The following ADAMTS18 variants were observed in gnomAD, a reference collection of about 807,000 sequenced individuals.
ADAMTS18 encodes the protein ADAM metallopeptidase with thrombospondin type 1 motif 18, also known as A disintegrin and metalloproteinase with thrombospondin motifs 18.
A neutral mutation model predicts 165.9 loss-of-function variants in ADAMTS18; 157 were observed. The observed-to-expected ratio is 0.95, with a 90% CI of 0.83 to 1.08. The LOEUF (loss-of-function observed/expected upper bound fraction) is 1.08. Among genes scored for constraint, ADAMTS18 ranks in the 50% least tolerant of loss-of-function variants. ADAMTS18 has a pLI of 0.00. For missense variants in ADAMTS18, 2,040 were observed against 1,534.0 expected (o/e 1.33, Z -5.51); for synonymous variants, 782 against 578.2 (o/e 1.35, Z -5.06).
chr16:77,301,806 A>G (rs1279934951), intron 16 of ADAMTS18, among the ~76,000 whole-genome samples: 1 of 152,240 alleles, frequency 6.6e-6, no homozygotes, highest in African/African-American at 2.4e-5. Context: ...GAGCAACAAA[A>G]CAAATCTCGA....
At chr16:77,348,893 G>C (rs897542375) in intron 10 of ADAMTS18, among the ~76,000 whole-genome samples, 2 of 152,142 alleles carry the variant, frequency 1.3e-5, no homozygotes, top group Admixed American at 6.5e-5. Flanking sequence ...AAATGATTAA[G>C]TGTCACTGGG....
chr16:77,427,316 T>C (rs1007526683), intron 3 of ADAMTS18, among the ~76,000 whole-genome samples: 25 of 152,280 alleles, frequency 1.6e-4, no homozygotes, highest in African/African-American at 5.3e-4. Flanking sequence ...TCTTAGTACA[T>C]AGGAAGAAAC....
At chr16:77,300,089 C>A in intron 17 of ADAMTS18, 174 bp downstream of exon 17, 1 of 709,740 alleles carries the variant, frequency 1.4e-6, no homozygotes, top group South Asian at 1.8e-5. Flanking sequence ...TGATTCCTTA[C>A]CACATAGGAA....
intron 3 of ADAMTS18, 141 bp from the exon 4 acceptor site, chr16:77,367,864 C>T (rs2056821822): frequency 2.1e-6 from 2 of 943,884 alleles, no homozygotes; most frequent in African/African-American, 1.6e-5. Flanking sequence ...TCATTTTTAT[C>T]TGCACCATTA....
chr16:77,342,568 A>G (rs957222124), intron 10 of ADAMTS18, among the ~76,000 whole-genome samples: 1 of 152,168 alleles, frequency 6.6e-6, no homozygotes, highest in African/African-American at 2.4e-5. Flanking sequence ...TGGGATTACA[A>G]GCATGAGCCA....
At chr16:77,409,724 AG>A (rs2057436966) in intron 3 of ADAMTS18, among the ~76,000 whole-genome samples, 1 of 152,172 alleles carries the variant, frequency 6.6e-6, no homozygotes, top group Non-Finnish European at 1.5e-5. Flanking sequence ...GCTAAAAGCT[AG>A]GCTATCAAAG....
Position 77,429,269 on chromosome 16 carries a change from G to C in ADAMTS18, c.495+2026C>G, listed in dbSNP as rs114617123. On this transcript the variant is annotated intron_variant, in intron 3 of 22. Transcript: ENST00000282849. ...ACTATGCAACCATAAAAATAAACGA[G>C]ATCAGGTCTTTTGCAGGAACGTGGA... 6.9e-3 allele frequency among the ~76,000 whole-genome samples: 1,049 copies of C among 152,274 alleles called. 12 individuals are homozygous for C. The highest frequency in any genetic ancestry group is 0.024 in the African/African-American group (1,011 of 41,568).
chr16:77,372,214 C>CT (rs2056886533), intron 3 of ADAMTS18, among the ~76,000 whole-genome samples: 1 of 152,158 alleles, frequency 6.6e-6, no homozygotes, highest in South Asian at 2.1e-4. Flanking sequence ...ATGAAGGATC[C>CT]TTTAAAAATT....
At chr16:77,405,846 G>C (rs902478084) in intron 3 of ADAMTS18, among the ~76,000 whole-genome samples, 1 of 152,066 alleles carries the variant, frequency 6.6e-6, no homozygotes, top group Non-Finnish European at 1.5e-5. Context: ...TATCAGATTA[G>C]AGCCCCTTCT....
At chr16:77,417,583 C>G (rs1365774774) in intron 3 of ADAMTS18, among the ~76,000 whole-genome samples, 4 of 152,126 alleles carry the variant, frequency 2.6e-5, no homozygotes, top group Non-Finnish European at 5.9e-5. Context: ...AATTAGGTTC[C>G]ACATCTAACA....
chr16:77,298,173 C>T (rs181129683), intron 17 of ADAMTS18, among the ~76,000 whole-genome samples: 10 of 152,024 alleles, frequency 6.6e-5, no homozygotes, highest in Non-Finnish European at 1.2e-4. Flanking sequence ...GGCCTCAGCC[C>T]CCAAAGTGCT....
At chr16:77,310,207 G>A (rs921668618) in intron 16 of ADAMTS18, among the ~76,000 whole-genome samples, 3 of 152,144 alleles carry the variant, frequency 2.0e-5, no homozygotes, top group Non-Finnish European at 2.9e-5. Context: ...AGATTGCAAC[G>A]AATGAATTTT....
intron 21 of ADAMTS18, among the ~76,000 whole-genome samples, chr16:77,289,985 T>A (rs868107697): frequency 6.6e-6 from 1 of 152,142 alleles, no homozygotes; most frequent in African/African-American, 2.4e-5. Flanking sequence ...GACAGCCATA[T>A]GAAAAATTTA....
intron 3 of ADAMTS18, among the ~76,000 whole-genome samples, chr16:77,386,223 G>C (rs1159046027): frequency 6.6e-6 from 1 of 152,202 alleles, no homozygotes; most frequent in East Asian, 1.9e-4. Context: ...CATATTGTCA[G>C]AGCCCAGTTA....
Position 77,320,061 on chromosome 16 carries a change from C to T in ADAMTS18, c.2320G>A (p.Ala774Thr), listed in dbSNP as rs772299766. The change falls in exon 16 of 23, where the codon GCC becomes ACC. Residue 774 changes from alanine (A) to threonine (T), a missense_variant. Coordinates refer to ENST00000282849, the MANE Select transcript of ADAMTS18 (RefSeq NM_199355.4). ...YYPVVLIPAG[A>T]RSIEIQELQV... ...AGCTCCTGGATTTCGATGCTTCGGG[C>T]GCCAGCTGGAATGAGGACCACCGGA... The T allele has an allele frequency of 2.5e-6, 4 of 1,613,736 alleles. No individual in the cohort carries two copies. Among genetic ancestry groups the T allele is most frequent in the Admixed American group, 1.7e-5 (1 of 59,984 alleles).
chr16:77,421,689 C>A (rs764880474), intron 3 of ADAMTS18, among the ~76,000 whole-genome samples: 20 of 152,148 alleles, frequency 1.3e-4, no homozygotes. Context: ...TGTTGGTAAG[C>A]CATATCTGGC....
chr16:77,305,778 C>T (rs1456793443), intron 16 of ADAMTS18, among the ~76,000 whole-genome samples: 1 of 152,214 alleles, frequency 6.6e-6, no homozygotes, highest in African/African-American at 2.4e-5. Flanking sequence ...CAGCCTCTCC[C>T]ACTGATGTGG....
At chr16:77,430,399 C>T (rs932533312) in intron 3 of ADAMTS18, among the ~76,000 whole-genome samples, 2 of 152,194 alleles carry the variant, frequency 1.3e-5, no homozygotes, top group Non-Finnish European at 2.9e-5. Flanking sequence ...AGTCCGCATT[C>T]ACCCGTACCC....
intron 16 of ADAMTS18, among the ~76,000 whole-genome samples, chr16:77,315,160 AAAAAATTTCTG>A (rs903310881): frequency 2.6e-5 from 4 of 152,152 alleles, no homozygotes; most frequent in Non-Finnish European, 5.9e-5. Context: ...ATGGCCTAAA[AAAAAATTTCTG>A]TATCATCTAC....
Sources: gnomAD v4.1 joint callset for allele counts (sites outside exome capture counted in the v4.1 genomes callset) on GRCh38, gnomAD v4.1.1 for gene constraint, MANE v1.5 for transcripts, NCBI Gene and HGNC (gene_info 2026-07-23, HGNC 2026-07-21) for gene names.